GALNT17: variants seen among roughly 807,000 people sequenced by gnomAD.
GALNT17 encodes polypeptide N-acetylgalactosaminyltransferase 17.
GALNT17 carries 29 observed loss-of-function variants against 63.7 expected under a neutral mutation model. The ratio of observed to expected loss-of-function variants is 0.46; its 90% CI spans 0.34 to 0.62. The LOEUF (loss-of-function observed/expected upper bound fraction) is 0.62, where lower values mean the gene tolerates loss of function less well. Among genes scored for constraint, GALNT17 ranks in the 20% least tolerant of loss-of-function variants. The pLI is 0.01. For synonymous variants in GALNT17, 305 were observed against 318.3 expected, an observed-to-expected ratio of 0.96 and a Z score of 0.45; for missense variants, 603 against 799.6, an observed-to-expected ratio of 0.75 and a Z score of 2.97.
intron 6 of GALNT17, among the ~76,000 whole-genome samples, chr7:71,600,337 G>C (rs893269681): frequency 2.0e-5 from 3 of 151,990 alleles, no homozygotes; most frequent in African/African-American, 7.3e-5. Context: ...GACCAAGAGA[G>C]AGCCAGTTTT....
intron 5 of GALNT17, among the ~76,000 whole-genome samples, chr7:71,537,251 A>G (rs754744512): frequency 6.6e-6 from 1 of 152,178 alleles, no homozygotes; most frequent in Non-Finnish European, 1.5e-5. Flanking sequence ...ATGTTTAATG[A>G]GGAGAAGTGT....
intron 1 of GALNT17, among the ~76,000 whole-genome samples, chr7:71,229,697 C>G (rs974685177): frequency 1.3e-5 from 2 of 152,168 alleles, no homozygotes; most frequent in Admixed American, 6.5e-5. Flanking sequence ...CTAAAGGTGC[C>G]TAACTCAACC....
intron 5 of GALNT17, among the ~76,000 whole-genome samples, chr7:71,527,801 C>T (rs1360562264): frequency 1.3e-5 from 2 of 152,198 alleles, no homozygotes; most frequent in Non-Finnish European, 2.9e-5. Flanking sequence ...ACAGCACACA[C>T]GCATATACAC....
chr7:71,387,943 C>T (rs1471158150), intron 2 of GALNT17, among the ~76,000 whole-genome samples: 2 of 152,154 alleles, frequency 1.3e-5, no homozygotes, highest in Non-Finnish European at 2.9e-5. Flanking sequence ...ACTGAACCCA[C>T]TAAGTGCTCC....
intron 1 of GALNT17, among the ~76,000 whole-genome samples, chr7:71,293,593 C>T (rs1791023229): frequency 6.6e-6 from 1 of 152,028 alleles, no homozygotes; most frequent in African/African-American, 2.4e-5. Flanking sequence ...GGATATTAAT[C>T]CCTTATTAGA....
intron 6 of GALNT17, among the ~76,000 whole-genome samples, chr7:71,589,061 G>A (rs1789761384): frequency 6.6e-6 from 1 of 152,108 alleles, no homozygotes; most frequent in Admixed American, 6.6e-5. Flanking sequence ...AGTGTGTGGA[G>A]GTAGCAGAGA....
intron 8 of GALNT17, among the ~76,000 whole-genome samples, chr7:71,672,543 A>G (rs1226518664): frequency 6.6e-6 from 1 of 152,026 alleles, no homozygotes; most frequent in Non-Finnish European, 1.5e-5. Context: ...TTAATATATA[A>G]TAAGCTTTGC....
In GALNT17 at chr7:71,226,932, C is replaced by G. The variant is rs181284022; in HGVS notation, c.238+93892C>G. On this transcript the variant is annotated intron_variant, in intron 1 of 10. Transcript: ENST00000333538. Reference sequence around the variant, plus strand: ...CCCCTTCCTATGACAGTCCGTCCCCCCTCTATGTGCTGCCGTCCAAGGAAC... The same window carrying G: ...CCCCTTCCTATGACAGTCCGTCCCCGCTCTATGTGCTGCCGTCCAAGGAAC... Among the ~76,000 whole-genome samples the G allele has an allele frequency of 5.5e-4, 84 of 152,154 alleles. 1 individual carries two copies. The highest frequency in any genetic ancestry group is 9.6e-4 in the Non-Finnish European group (65 of 67,996).
At chr7:71,599,072 A>G (rs1789928762) in intron 6 of GALNT17, among the ~76,000 whole-genome samples, 1 of 152,072 alleles carries the variant, frequency 6.6e-6, no homozygotes, top group Non-Finnish European at 1.5e-5. Context: ...TGAGCAGAAC[A>G]GTGCAGGCTG....
At chr7:71,637,963 G>A (rs1271109228) in intron 6 of GALNT17, among the ~76,000 whole-genome samples, 1 of 152,194 alleles carries the variant, frequency 6.6e-6, no homozygotes, top group African/African-American at 2.4e-5. Context: ...AGTCCCAAAG[G>A]CTGCTGGTTG....
intron 5 of GALNT17, among the ~76,000 whole-genome samples, chr7:71,481,524 C>G (rs1169574539): frequency 6.6e-6 from 1 of 152,178 alleles, no homozygotes; most frequent in African/African-American, 2.4e-5. Context: ...CTACACTTCC[C>G]AGAATTCTCT....
At chr7:71,527,533 C>T (rs1442268373) in intron 5 of GALNT17, among the ~76,000 whole-genome samples, 1 of 152,156 alleles carries the variant, frequency 6.6e-6, no homozygotes, top group East Asian at 1.9e-4. Context: ...CAGGCTGGCA[C>T]GGAAGGCTCA....
chr7:71,581,094 G>A (rs1288766306), intron 6 of GALNT17, among the ~76,000 whole-genome samples: 1 of 152,162 alleles, frequency 6.6e-6, no homozygotes, highest in South Asian at 2.1e-4. Flanking sequence ...GGAGAATCAA[G>A]GCATGTTTTA....
chr7:71,517,274 C>A (rs756137004), intron 5 of GALNT17, among the ~76,000 whole-genome samples: 7 of 152,260 alleles, frequency 4.6e-5, no homozygotes, highest in Non-Finnish European at 8.8e-5. Context: ...AGAGGGAGGG[C>A]TCCAGTCCTT....
At chr7:71,608,515 C>A (rs1790079178) in intron 6 of GALNT17, among the ~76,000 whole-genome samples, 1 of 152,176 alleles carries the variant, frequency 6.6e-6, no homozygotes, top group Non-Finnish European at 1.5e-5. Context: ...TAATGAAATT[C>A]TCAAGTACCA....
intron 1 of GALNT17, among the ~76,000 whole-genome samples, chr7:71,182,269 A>G (rs1788750052): frequency 6.6e-6 from 1 of 152,244 alleles, no homozygotes; most frequent in Admixed American, 6.5e-5. Context: ...GACGTGAGAC[A>G]TCAATCAGTC....
chr7:71,369,811 CAAAAAA>C lies in GALNT17; in HGVS notation c.423-18403_423-18398del, dbSNP rs763387719. On this transcript the variant is annotated intron_variant, in intron 2 of 10. Coordinates refer to ENST00000333538, the MANE Select transcript of GALNT17 (RefSeq NM_022479.3). Reference sequence around the variant, plus strand: ...TGGGTGACATAGTGAGGCTTTTTGTCAAAAAAAAAAAAAAAAAAAAAAAAAAGAACA... The same window carrying C: ...TGGGTGACATAGTGAGGCTTTTTGTCAAAAAAAAAAAAAAAAAAAAGAACA... Among the ~76,000 whole-genome samples, 88 of 72,156 alleles carry C rather than the reference CAAAAAA, an allele frequency of 1.2e-3. 1 individual carries two copies. The highest frequency in any genetic ancestry group is 3.4e-3 in the African/African-American group (80 of 23,260). The allele number at this position is 72,156 out of a possible 152,430, so 47.3% of individuals were successfully genotyped here. A position where few individuals can be genotyped will look rare whatever the true frequency, so the allele number is the denominator to read the frequency against.
chr7:71,225,227 C>G (rs1789659743), intron 1 of GALNT17, among the ~76,000 whole-genome samples: 1 of 152,186 alleles, frequency 6.6e-6, no homozygotes, highest in African/African-American at 2.4e-5. Context: ...CCTCAGCCTC[C>G]CAAAGTGCTG....
At chr7:71,404,132 C>T (rs1169882127) in intron 3 of GALNT17, among the ~76,000 whole-genome samples, 3 of 152,128 alleles carry the variant, frequency 2.0e-5, no homozygotes, top group African/African-American at 7.2e-5. Context: ...ATGATGTTTC[C>T]TTGTAGGTTT....
Sources: gnomAD v4.1 joint callset for allele counts (sites outside exome capture counted in the v4.1 genomes callset) on GRCh38, gnomAD v4.1.1 for gene constraint, MANE v1.5 for transcripts, NCBI Gene and HGNC (gene_info 2026-07-23, HGNC 2026-07-21) for gene names.